BCAS3: variants seen among roughly 807,000 people sequenced by gnomAD.
The protein encoded by BCAS3 is BCAS3 microtubule associated cell migration factor, also known as BCAS4/BCAS3 fusion.
BCAS3 carries 53 observed loss-of-function variants against 116.1 expected under a neutral mutation model. That is an observed-to-expected ratio of 0.46 (90% CI 0.37 to 0.57). The LOEUF is 0.57. BCAS3 is among the 20% of genes least tolerant of loss of function. The pLI is 0.00. For synonymous variants in BCAS3, 391 were observed against 408.2 expected, an observed-to-expected ratio of 0.96 and a Z score of 0.51; for missense variants, 917 against 1,165.4, an observed-to-expected ratio of 0.79 and a Z score of 3.10.
rs1362668369 is a variant in BCAS3 at position 60,689,697 on chromosome 17, A to G, written c.150A>G (p.Gly50=). The G allele has an allele frequency of 6.2e-7, 1 of 1,601,688 alleles. No individual in the cohort carries two copies. ...LQDVVPQAYS[G]TPLTEEKEKI... ...TGTTTACTATGCAGGCTTACAGTGG[A>G]ACACCTCTAACAGAAGAAAAGGAGA... Residue 50 remains glycine (G), a synonymous_variant, in exon 4 of 24, where the codon GGA becomes GGG. Coordinates refer to ENST00000407086, the MANE Select transcript of BCAS3 (RefSeq NM_017679.5).
intron 11 of BCAS3, among the ~76,000 whole-genome samples, chr17:60,909,016 T>C (rs2058342175): frequency 6.6e-6 from 1 of 152,158 alleles, no homozygotes; most frequent in Non-Finnish European, 1.5e-5. Context: ...GACTTTGTCA[T>C]TGGGTAACTG....
Position 61,215,233 on chromosome 17 carries a change from T to A in BCAS3, c.2425+130669T>A, listed in dbSNP as rs1012666261. On this transcript the variant is annotated intron_variant, in intron 22 of 23. Transcript: ENST00000407086. This position sits in a 1 kb window ranked among gnomAD's most constrained non-coding sequence, Gnocchi z 4.8. ...GAGGAGAACAAATCTCTTTTGAAAT[T>A]CATTTGTTAAAGAAAATATTTCAGA... Among the ~76,000 whole-genome samples the A allele has an allele frequency of 2.0e-5, 3 of 152,238 alleles. No homozygotes were observed. Among genetic ancestry groups the A allele is most frequent in the African/African-American group, 7.2e-5 (3 of 41,470 alleles).
chr17:61,338,888 GAAA>G lies in BCAS3; in HGVS notation c.2426-29413_2426-29411del, dbSNP rs57701817. Among the ~76,000 whole-genome samples the G allele has an allele frequency of 2.7e-3, 181 of 67,324 alleles. 1 individual carries two copies. The highest frequency in any genetic ancestry group is 7.3e-3 in the African/African-American group (159 of 21,670). 44.2% of individuals were successfully genotyped at this position (67,324 alleles called of 152,430 possible). A position where few individuals can be genotyped will look rare whatever the true frequency, so the allele number is the denominator to read the frequency against. ...GAAGCCTATCTGGTGCCCTTACTGG[GAAA>G]AAAAAAAAAAAAAAAAAAAAAAAAA... On this transcript the variant is annotated intron_variant, in intron 22 of 23. Coordinates refer to ENST00000407086, the MANE Select transcript of BCAS3 (RefSeq NM_017679.5).
chr17:61,166,581 GGACACGGGGTTTC>G (rs1283247508), intron 22 of BCAS3, among the ~76,000 whole-genome samples: 2 of 151,470 alleles, frequency 1.3e-5, no homozygotes, highest in African/African-American at 4.8e-5. Context: ...TGTTTTTAGT[GGACACGGGGTTTC>G]ACCATGCTGG....
Position 61,346,454 on chromosome 17 carries a change from G to A in BCAS3, c.2426-21873G>A, listed in dbSNP as rs1265176552. Among the ~76,000 whole-genome samples, 2 of 152,212 alleles carry A rather than the reference G, an allele frequency of 1.3e-5. No homozygotes were observed. Among genetic ancestry groups the A allele is most frequent in the African/African-American group, 4.8e-5 (2 of 41,452 alleles). On this transcript the variant is annotated intron_variant, in intron 22 of 23. Transcript: ENST00000407086. This position sits in a 1 kb window ranked among gnomAD's most constrained non-coding sequence, Gnocchi z 5.4. ...TATACCTCAGCTTCTTTCTGAAACGGAAGAGCTGCCTGGGGCTGTTGTGAG... is the reference window on the plus strand; with the variant it reads ...TATACCTCAGCTTCTTTCTGAAACGAAAGAGCTGCCTGGGGCTGTTGTGAG...
chr17:60,937,932 A>G (rs1402126379), intron 13 of BCAS3, among the ~76,000 whole-genome samples: 1 of 152,172 alleles, frequency 6.6e-6, no homozygotes, highest in Non-Finnish European at 1.5e-5. Flanking sequence ...ATAGATCTTG[A>G]GTACTAAACT....
intron 22 of BCAS3, among the ~76,000 whole-genome samples, chr17:61,253,688 A>ATGCTCGGATGCCTCTGAGCAT (rs1219463511): frequency 6.6e-6 from 1 of 151,428 alleles, no homozygotes; most frequent in African/African-American, 2.4e-5. Context: ...AGTGCTTCAT[A>ATGCTCGGATGCCTCTGAGCAT]AAGTCCTGTG....
intron 6 of BCAS3, among the ~76,000 whole-genome samples, chr17:60,752,371 A>AT (rs202153949): frequency 7.3e-5 from 11 of 151,134 alleles, no homozygotes; most frequent in African/African-American, 2.2e-4. Flanking sequence ...TATACAAGGA[A>AT]TTTTTTTTTA....
rs528829845 is a variant in BCAS3 at position 61,235,193 on chromosome 17, C to T, written c.2426-133134C>T. Among the ~76,000 whole-genome samples, 8 of 152,208 alleles carry T rather than the reference C, an allele frequency of 5.3e-5. No individual in the cohort carries two copies. The East Asian group carries it at 7.8e-4, about 15-fold the overall frequency. On this transcript the variant is annotated intron_variant, in intron 22 of 23. Transcript: ENST00000407086. This position sits in a 1 kb window ranked among gnomAD's most constrained non-coding sequence, Gnocchi z 5.0. ...TGAACCACCACGCCTGGCTGTCTGC[C>T]CCCCGCCTGTCCTAAGCACTTTAAA...
chr17:61,078,852 T>A (rs1462451854), intron 21 of BCAS3, among the ~76,000 whole-genome samples: 1 of 152,244 alleles, frequency 6.6e-6, no homozygotes, highest in Non-Finnish European at 1.5e-5. Context: ...CTTTTCCTGA[T>A]CTTTCTGAAG....
intron 22 of BCAS3, among the ~76,000 whole-genome samples, chr17:61,287,435 A>G (rs2051932551): frequency 6.6e-6 from 1 of 150,562 alleles, no homozygotes; most frequent in South Asian, 2.1e-4. Flanking sequence ...GTTCCAAGAA[A>G]GTGTACTTTG....
At chr17:61,264,555 G>A (rs1231893238) in intron 22 of BCAS3, among the ~76,000 whole-genome samples, 1 of 152,018 alleles carries the variant, frequency 6.6e-6, no homozygotes, top group African/African-American at 2.4e-5. Context: ...TTACAGGGAT[G>A]TGCCACCGCG....
intron 22 of BCAS3, among the ~76,000 whole-genome samples, chr17:61,303,709 G>T (rs1370520766): frequency 4.6e-5 from 7 of 152,124 alleles, no homozygotes; most frequent in Non-Finnish European, 1.0e-4. Context: ...AGTCAGAGTT[G>T]ATATTTCCCC....
At chr17:61,079,463 C>T (rs1274294968) in intron 21 of BCAS3, among the ~76,000 whole-genome samples, 3 of 152,154 alleles carry the variant, frequency 2.0e-5, no homozygotes, top group African/African-American at 7.2e-5. Context: ...TACTGAGTAC[C>T]TGCCAGGAGG....
intron 7 of BCAS3, among the ~76,000 whole-genome samples, chr17:60,825,943 C>T (rs896890317): frequency 2.1e-4 from 32 of 151,398 alleles, no homozygotes; most frequent in Admixed American, 1.3e-3. Flanking sequence ...CTGTAACCTC[C>T]GCCTCCCAGG....
chr17:60,712,373 C>T (rs1254690386), intron 5 of BCAS3, among the ~76,000 whole-genome samples: 8 of 145,088 alleles, frequency 5.5e-5, no homozygotes, highest in African/African-American at 2.2e-4. Flanking sequence ...GAGATCTTGT[C>T]TTGGGAAGGA....
At chr17:60,959,297 C>T (rs978374239) in intron 14 of BCAS3, among the ~76,000 whole-genome samples, 1 of 151,920 alleles carries the variant, frequency 6.6e-6, no homozygotes, top group African/African-American at 2.4e-5. Context: ...ACAGAGCAAA[C>T]CCCTGTCTCA....
At chr17:61,210,563 A>C (rs1454399120) in intron 22 of BCAS3, among the ~76,000 whole-genome samples, 1 of 152,212 alleles carries the variant, frequency 6.6e-6, no homozygotes, top group Non-Finnish European at 1.5e-5. Context: ...CATCAGTAAA[A>C]GCCTGAGATT....
intron 6 of BCAS3, among the ~76,000 whole-genome samples, chr17:60,790,034 A>G (rs562730374): frequency 1.3e-5 from 2 of 152,206 alleles, no homozygotes; most frequent in Admixed American, 1.3e-4. Flanking sequence ...GGTGTTTTCT[A>G]CTTGCATGGA....
Sources: allele counts gnomAD v4.1 joint callset (sites outside exome capture counted in the v4.1 genomes callset), GRCh38; gene constraint gnomAD v4.1.1; non-coding constraint Gnocchi (gnomAD v3.1); transcripts MANE v1.5; gene names NCBI Gene and HGNC (gene_info 2026-07-23, HGNC 2026-07-21).